Variants in ZNF385D observed in about 807,000 individuals in gnomAD.
The protein encoded by ZNF385D is zinc finger protein 385D.
In ZNF385D, 15 loss-of-function variants were observed where a neutral mutation model predicts 35.8. The observed-to-expected ratio is 0.42, with a 90% CI of 0.28 to 0.64. The LOEUF (loss-of-function observed/expected upper bound fraction) is 0.64, where lower values mean the gene tolerates loss of function less well. Ranked by LOEUF, ZNF385D falls within the 30% of genes least tolerant of loss-of-function variation. The probability of loss-of-function intolerance (pLI) is 0.23; values close to 1 mark genes in which losing one functional copy is unlikely to be tolerated. For synonymous variants in ZNF385D, 212 were observed against 186.8 expected, an observed-to-expected ratio of 1.13 and a Z score of -1.10; for missense variants, 474 against 494.6, an observed-to-expected ratio of 0.96 and a Z score of 0.39.
chr3:21,994,460 G>T (rs1348095958), intron 3 of ZNF385D, among the ~76,000 whole-genome samples: 2 of 151,668 alleles, frequency 1.3e-5, no homozygotes, highest in African/African-American at 2.4e-5. Flanking sequence ...TATTTATGTT[G>T]TTTATCTGTA....
At chr3:22,091,626 T>C (rs1226703683) in intron 3 of ZNF385D, among the ~76,000 whole-genome samples, 1 of 151,850 alleles carries the variant, frequency 6.6e-6, no homozygotes, top group Non-Finnish European at 1.5e-5. Flanking sequence ...GCTGAAACCC[T>C]GACATAAATG....
intron 2 of ZNF385D, among the ~76,000 whole-genome samples, chr3:22,193,474 G>A (rs772792061): frequency 5.3e-5 from 8 of 151,990 alleles, no homozygotes; most frequent in Non-Finnish European, 8.8e-5. Context: ...GGATGCATGA[G>A]ATCTAAGTAC....
intron 4 of ZNF385D, among the ~76,000 whole-genome samples, chr3:21,461,633 G>A (rs1436301607): frequency 6.6e-6 from 1 of 152,216 alleles, no homozygotes; most frequent in African/African-American, 2.4e-5. Flanking sequence ...AGCAATCCTA[G>A]TAAAGACGTT....
At chr3:22,290,392 T>C (rs1002467520) in intron 2 of ZNF385D, among the ~76,000 whole-genome samples, 2 of 152,222 alleles carry the variant, frequency 1.3e-5, no homozygotes, top group South Asian at 4.1e-4. Flanking sequence ...AGAAGATAGT[T>C]CTCACTCCTC....
intron 3 of ZNF385D, among the ~76,000 whole-genome samples, chr3:21,980,655 T>G (rs1694381044): frequency 6.6e-6 from 1 of 152,152 alleles, no homozygotes; most frequent in South Asian, 2.1e-4. Context: ...ACACACTATT[T>G]CGTCATCCAG....
intron 3 of ZNF385D, among the ~76,000 whole-genome samples, chr3:22,092,004 T>G (rs1701358836): frequency 6.6e-6 from 1 of 152,198 alleles, no homozygotes; most frequent in Admixed American, 6.5e-5. Context: ...AAAAATACCT[T>G]CACTTTCAGG....
intron 2 of ZNF385D, among the ~76,000 whole-genome samples, chr3:22,265,687 T>A (rs768539392): frequency 1.3e-5 from 2 of 151,886 alleles, no homozygotes; most frequent in Non-Finnish European, 2.9e-5. Flanking sequence ...GAAGGAGTGA[T>A]CAGAAAAGAC....
chr3:21,777,461 G>A (rs2071332768), intron 3 of ZNF385D: 1 of 151,932 alleles, frequency 6.6e-6, no homozygotes, highest in African/African-American at 2.4e-5. Context: ...TTGACAGATA[G>A]TCACCAAGTT....
Position 22,215,663 on chromosome 3 carries a change from T to A in ZNF385D, c.107-46628A>T, listed in dbSNP as rs1038303492. The stretch of plus-strand genomic sequence containing the variant: ...AGCAATTTTAATTTTGCCCTGGTAC[T>A]GTAGTCCTGTAATCTCGCCCTGCCT... On this transcript the variant is annotated intron_variant, in intron 2 of 5. Coordinates refer to the ZNF385D transcript ENST00000494108. Among the ~76,000 whole-genome samples, 5 of 152,110 alleles carry A rather than the reference T, an allele frequency of 3.3e-5. No homozygotes were observed. In the East Asian group the frequency reaches 9.7e-4, roughly 29 times the overall value.
chr3:22,040,040 T>C (rs1157095699), intron 3 of ZNF385D, among the ~76,000 whole-genome samples: 4 of 152,174 alleles, frequency 2.6e-5, no homozygotes, highest in Non-Finnish European at 1.5e-5. Context: ...AACCTGGCCA[T>C]GCATTCGTAC....
intron 3 of ZNF385D, among the ~76,000 whole-genome samples, chr3:21,839,592 T>C (rs1695537160): frequency 1.3e-5 from 2 of 152,174 alleles, no homozygotes; most frequent in South Asian, 2.1e-4. Flanking sequence ...AGGCCGACAA[T>C]TTCAGTTGCT....
intron 2 of ZNF385D, among the ~76,000 whole-genome samples, chr3:22,286,811 A>C (rs1175006206): frequency 1.3e-5 from 2 of 152,114 alleles, no homozygotes; most frequent in Non-Finnish European, 2.9e-5. Context: ...TCTTTTCTGA[A>C]GAATCATCCA....
intron 2 of ZNF385D, among the ~76,000 whole-genome samples, chr3:21,586,224 A>AGTAT (rs1472162285): frequency 6.6e-6 from 1 of 152,122 alleles, no homozygotes; most frequent in Non-Finnish European, 1.5e-5. Flanking sequence ...AAAAAAAGAA[A>AGTAT]GTATGTTGGA....
At chr3:22,019,644 A>C (rs1697107894) in intron 3 of ZNF385D, among the ~76,000 whole-genome samples, 1 of 151,984 alleles carries the variant, frequency 6.6e-6, no homozygotes, top group Non-Finnish European at 1.5e-5. Flanking sequence ...GGTGTCTAAT[A>C]CCAACATGTT....
intron 2 of ZNF385D, among the ~76,000 whole-genome samples, chr3:22,188,740 G>C (rs537240114): frequency 6.6e-6 from 1 of 152,166 alleles, no homozygotes; most frequent in Admixed American, 6.6e-5. Context: ...ATGAGCCACC[G>C]CGCCCAGCCG....
intron 3 of ZNF385D, among the ~76,000 whole-genome samples, chr3:21,957,654 T>A (rs1702363153): frequency 6.6e-6 from 1 of 152,086 alleles, no homozygotes; most frequent in Non-Finnish European, 1.5e-5. Flanking sequence ...ACTGCAGGCT[T>A]TGTCTCCAGT....
chr3:22,030,299 A>ATATATATATATCTATC (rs1553591392), intron 3 of ZNF385D, among the ~76,000 whole-genome samples: 7 of 114,736 alleles, frequency 6.1e-5, no homozygotes, highest in Admixed American at 5.1e-4. Flanking sequence ...ATATATATAT[A>ATATATATATATCTATC]TATCCTATTT....
chr3:21,480,466 T>C (rs1293622672), intron 4 of ZNF385D, among the ~76,000 whole-genome samples: 1 of 151,886 alleles, frequency 6.6e-6, no homozygotes, highest in Admixed American at 6.6e-5. Flanking sequence ...GGAGGATGAG[T>C]TGCTTGATTT....
intron 2 of ZNF385D, among the ~76,000 whole-genome samples, chr3:21,564,940 A>C (rs2063089929): frequency 6.6e-6 from 1 of 152,230 alleles, no homozygotes; most frequent in Admixed American, 6.5e-5. Context: ...CTCATTTAAA[A>C]GCAACAGTTG....
Sources: gnomAD v4.1 joint callset for allele counts (sites outside exome capture counted in the v4.1 genomes callset) on GRCh38, gnomAD v4.1.1 for gene constraint, MANE v1.5 for transcripts, NCBI Gene and HGNC (gene_info 2026-07-23, HGNC 2026-07-21) for gene names.